The following ISLR2 variants were observed in gnomAD, a reference collection of about 807,000 sequenced individuals.
The protein encoded by ISLR2 is immunoglobulin superfamily containing leucine-rich repeat protein 2.
A neutral mutation model predicts 25.5 loss-of-function variants in ISLR2; 16 were observed. That is an observed-to-expected ratio of 0.63 (90% CI 0.43 to 0.95). The LOEUF is 0.95. Among genes scored for constraint, ISLR2 ranks in the 40% least tolerant of loss-of-function variants. The pLI, the probability that ISLR2 is intolerant of heterozygous loss-of-function variation, is 0.00. For synonymous variants in ISLR2, 508 were observed against 486.6 expected, an observed-to-expected ratio of 1.04 and a Z score of -0.58; for missense variants, 883 against 1,030.7, an observed-to-expected ratio of 0.86 and a Z score of 1.96.
intron 2 of ISLR2, among the ~76,000 whole-genome samples, chr15:74,121,357 G>A (rs976974779): frequency 2.6e-5 from 4 of 152,126 alleles, no homozygotes; most frequent in African/African-American, 4.8e-5. Flanking sequence ...TGCACTGCAC[G>A]GGGTCACTCT....
chr15:74,115,865 G>T (rs1567155204), intron 2 of ISLR2, among the ~76,000 whole-genome samples: 2 of 142,650 alleles, frequency 1.4e-5, no homozygotes, highest in Non-Finnish European at 1.5e-5. Context: ...TGAACATGAT[G>T]AGAAGAGAGA....
At chr15:74,114,408 G>A (rs2072194573) in intron 2 of ISLR2, among the ~76,000 whole-genome samples, 1 of 152,162 alleles carries the variant, frequency 6.6e-6, no homozygotes, top group Non-Finnish European at 1.5e-5. Context: ...AGAAAAAGAA[G>A]CGCAAATGCC....
At position 74,132,985 on chromosome 15, in the gene ISLR2, C is replaced by T; in HGVS notation, c.231C>T (p.Val77=). 3.7e-6 allele frequency: 6 copies of T among 1,613,976 alleles called. No individual in the cohort carries two copies. The highest frequency in any genetic ancestry group is 5.1e-6 in the Non-Finnish European group (6 of 1,179,970). The change falls in exon 3 of 3, where the codon GTC becomes GTT. Residue 77 remains valine (V), a synonymous_variant. Transcript: ENST00000453268. The surrounding 1 kb of genome is among the most constrained non-coding windows in gnomAD (Gnocchi z 4.3). ...RRGAFADVTQ[V]TSLWLAHNEV... is the part of the protein sequence containing the mutation. ...GGGCCTTCGCCGACGTCACACAGGT[C>T]ACGTCGCTGTGGCTGGCGCACAATG...
Position 74,132,764 on chromosome 15 carries a change from C to T in ISLR2, c.10C>T (p.Leu4Phe), listed in dbSNP as rs1258262307. Residue 4 changes from leucine to phenylalanine, a missense_variant, in exon 3 of 3, where the codon CTT becomes TTT. By Grantham distance (22) the Leu-to-Phe change is conservative (BLOSUM62 0). Around this residue, in one of 2 missense-constraint regions of ISLR2, gnomAD observed 271 missense variants for 387.9 expected, o/e 0.70. Transcript: ENST00000453268. This position sits in a 1 kb window ranked among gnomAD's most constrained non-coding sequence, Gnocchi z 4.3. MFPLRALWLVWALL... is the reference protein window; with the variant it reads MFPFRALWLVWALL... ...ATCTGCAGGAGCCGCGATGTTCCCC[C>T]TTCGGGCCCTGTGGTTGGTCTGGGC... The T allele has an allele frequency of 1.2e-6, 2 of 1,609,456 alleles. No individual in the cohort carries two copies. Among genetic ancestry groups the T allele is most frequent in the Non-Finnish European group, 1.7e-6 (2 of 1,176,102 alleles).
At chr15:74,116,431 A>T (rs997871395) in intron 2 of ISLR2, among the ~76,000 whole-genome samples, 1 of 152,102 alleles carries the variant, frequency 6.6e-6, no homozygotes, top group Non-Finnish European at 1.5e-5. Context: ...AAATTTTCAA[A>T]AAATTTAATG....
In ISLR2 at chr15:74,134,730, C is replaced by G. The variant is rs755846452; in HGVS notation, c.1976C>G (p.Pro659Arg). 89 of 1,613,878 alleles carry G rather than the reference C, an allele frequency of 5.5e-5. No homozygotes were observed. The highest frequency in any genetic ancestry group is 7.4e-5 in the Non-Finnish European group (87 of 1,179,958). Reference protein sequence around the residue: ...ASYLESEKSYPAGGEAGGEEP... With the variant: ...ASYLESEKSYRAGGEAGGEEP... ...TACCTCGAGTCCGAGAAAAGCTACC[C>G]GGCAGGCGGCGAGGCGGGCGGCGAG... is the stretch of plus-strand genomic sequence containing the variant. Residue 659 changes from proline (P) to arginine (R), a missense_variant, in exon 3 of 3, where the codon CCG (proline) becomes CGG (arginine). Transcript: ENST00000453268.
intron 2 of ISLR2, among the ~76,000 whole-genome samples, chr15:74,115,926 G>A (rs371545151): frequency 6.6e-5 from 10 of 150,678 alleles, no homozygotes; most frequent in East Asian, 5.9e-4. Flanking sequence ...GGCTGGGTGC[G>A]GTGGCTCACA....
At chr15:74,115,044 T>C (rs2072199903) in intron 2 of ISLR2, among the ~76,000 whole-genome samples, 1 of 152,106 alleles carries the variant, frequency 6.6e-6, no homozygotes, top group Non-Finnish European at 1.5e-5. Context: ...TATGGATGTA[T>C]GTGAGAAGAA....
chr15:74,129,009 C>T (rs921411493), upstream of ISLR2: 1 of 456,750 alleles, frequency 2.2e-6, no homozygotes. This position sits in a 1 kb window ranked among gnomAD's most constrained non-coding sequence, Gnocchi z 4.5. Context: ...ACAGGATCCC[C>T]GGCAGGGACG....
Position 74,134,110 on chromosome 15 carries a change from C to T in ISLR2, c.1356C>T (p.Asp452=), listed in dbSNP as rs757092860. 1 of 1,613,742 alleles carries T rather than the reference C, an allele frequency of 6.2e-7. No individual in the cohort carries two copies. The highest frequency in any genetic ancestry group is 2.2e-5 in the East Asian group (1 of 44,856). The part of the protein sequence containing the change: ...GEEAEDQILA[D]PAEEQRCGNG... ...AGGCCGAAGACCAGATCCTCGCGGA[C>T]CCGGCGGAGGAGCAGCGCTGTGGCA... The change falls in exon 3 of 3, where the codon GAC becomes GAT. Residue 452 remains aspartate (D), a synonymous_variant. Transcript: ENST00000453268.
downstream of ISLR2, among the ~76,000 whole-genome samples, chr15:74,139,788 C>T (rs1469777890): frequency 1.3e-5 from 2 of 151,806 alleles, no homozygotes; most frequent in Admixed American, 1.3e-4. Flanking sequence ...GCTGTGCTAG[C>T]TTCAATCTCT....
At chr15:74,109,662 T>C (rs1471992369) in intron 2 of ISLR2, among the ~76,000 whole-genome samples, 1 of 152,198 alleles carries the variant, frequency 6.6e-6, no homozygotes, top group Non-Finnish European at 1.5e-5. Context: ...AACCCACGCC[T>C]CAGAGGTTCT....
At chr15:74,123,894 T>A (rs1213253491), upstream of ISLR2, among the ~76,000 whole-genome samples, 1 of 152,148 alleles carries the variant, frequency 6.6e-6, no homozygotes, top group Non-Finnish European at 1.5e-5. Context: ...TAGGCACAGC[T>A]ACTTGGGAGG....
chr15:74,107,603 G>T (rs1044253214), intron 2 of ISLR2, among the ~76,000 whole-genome samples: 3 of 152,132 alleles, frequency 2.0e-5, no homozygotes, highest in Non-Finnish European at 4.4e-5. Flanking sequence ...TTTGGCCCAG[G>T]CAAATCGTCC....
At chr15:74,106,609 A>T (rs1398371511) in intron 2 of ISLR2, among the ~76,000 whole-genome samples, 1 of 152,006 alleles carries the variant, frequency 6.6e-6, no homozygotes, top group Admixed American at 6.5e-5. Context: ...ATGGGATATA[A>T]GTGGCCAGGG....
intron 2 of ISLR2, among the ~76,000 whole-genome samples, chr15:74,107,242 G>A (rs369039347): frequency 1.3e-5 from 2 of 152,182 alleles, no homozygotes; most frequent in East Asian, 3.9e-4. Flanking sequence ...TCCCGGCAAA[G>A]AACAGTCTCA....
intron 2 of ISLR2, among the ~76,000 whole-genome samples, chr15:74,108,713 C>G (rs552201477): frequency 1.1e-4 from 17 of 152,232 alleles, no homozygotes; most frequent in Non-Finnish European, 2.4e-4. Context: ...ATGGGTCAAG[C>G]GGAACACATG....
chr15:74,109,667 G>A (rs1409612371), intron 2 of ISLR2, among the ~76,000 whole-genome samples: 1 of 152,190 alleles, frequency 6.6e-6, no homozygotes, highest in Non-Finnish European at 1.5e-5. Context: ...ACGCCTCAGA[G>A]GTTCTGATTC....
At chr15:74,117,678 G>A (rs951069541) in intron 2 of ISLR2, among the ~76,000 whole-genome samples, 2 of 152,078 alleles carry the variant, frequency 1.3e-5, no homozygotes, top group African/African-American at 4.8e-5. Context: ...TTAAGATCCT[G>A]TCTCAAAAAA....
Sources: gnomAD v4.1 joint callset for allele counts (sites outside exome capture counted in the v4.1 genomes callset) on GRCh38, gnomAD v4.1.1 for gene constraint, gnomAD v4.1.1 regional missense constraint, Gnocchi (gnomAD v3.1) non-coding constraint, MANE v1.5 for transcripts, NCBI Gene and HGNC (gene_info 2026-07-23, HGNC 2026-07-21) for gene names.